LRRC8D: variants seen among roughly 807,000 people sequenced by gnomAD.
The protein encoded by LRRC8D is volume-regulated anion channel subunit LRRC8D.
LRRC8D carries 20 observed loss-of-function variants against 55.8 expected under a neutral mutation model. That is an observed-to-expected ratio of 0.36 (90% CI 0.25 to 0.52). LRRC8D has a LOEUF of 0.52. LRRC8D is among the 20% of genes least tolerant of loss of function. The pLI is 0.93. For synonymous variants in LRRC8D, 352 were observed against 377.0 expected (o/e 0.93, Z 0.77); for missense variants, 651 against 1,030.8 (o/e 0.63, Z 5.05).
chr1:89,848,142 C>T (rs756176322), intron 2 of LRRC8D, among the ~76,000 whole-genome samples: 3 of 152,168 alleles, frequency 2.0e-5, no homozygotes, highest in Admixed American at 1.3e-4. Flanking sequence ...CCGGGCTAAT[C>T]GTTTTTCATG....
chr1:89,873,042 A>G (rs779600703), intron 2 of LRRC8D, among the ~76,000 whole-genome samples: 19 of 152,338 alleles, frequency 1.2e-4, no homozygotes, highest in Admixed American at 2.6e-4. Flanking sequence ...TATTCTGTCC[A>G]GACTGTGAAC....
At chr1:89,864,403 G>A (rs770144532) in intron 2 of LRRC8D, among the ~76,000 whole-genome samples, 16 of 152,162 alleles carry the variant, frequency 1.1e-4, no homozygotes, top group Non-Finnish European at 2.2e-4. Flanking sequence ...TTCATCTGAT[G>A]AAAGACACCA....
chr1:89,916,519 T>G (rs1242309870), intron 2 of LRRC8D, among the ~76,000 whole-genome samples: 3 of 152,204 alleles, frequency 2.0e-5, no homozygotes, highest in Non-Finnish European at 4.4e-5. Flanking sequence ...TTTTTTAATG[T>G]CAATAATGAA....
chr1:89,896,072 G>A (rs1258355766), intron 2 of LRRC8D, among the ~76,000 whole-genome samples: 1 of 152,222 alleles, frequency 6.6e-6, no homozygotes, highest in Non-Finnish European at 1.5e-5. Flanking sequence ...AATGATACAT[G>A]AGTTTTAGGT....
At chr1:89,915,934 C>G (rs937680808) in intron 2 of LRRC8D, among the ~76,000 whole-genome samples, 4 of 152,104 alleles carry the variant, frequency 2.6e-5, no homozygotes, top group Admixed American at 2.0e-4. Context: ...TAACAACATA[C>G]TGAATTAGAA....
rs61198174 is a variant in LRRC8D, at chr1:89,915,046, GGTGT to G, written c.-2-18014_-2-18011del. On this transcript the variant is annotated intron_variant, in intron 2 of 2. Transcript: ENST00000337338. Reference sequence around the variant, plus strand: ...TGTGTGTGTGTGTGTGTGTGTGTGTGGTGTGTGTGTATGTGTGTGGTGTGTTCAG... The same window carrying G: ...TGTGTGTGTGTGTGTGTGTGTGTGTGGTGTGTATGTGTGTGGTGTGTTCAG... Among the ~76,000 whole-genome samples the G allele has an allele frequency of 3.3e-5, 5 of 149,530 alleles. No individual in the cohort carries two copies. In the East Asian group the frequency reaches 9.8e-4, roughly 29 times the overall value.
chr1:89,825,717 G>A (rs1660745914), intron 1 of LRRC8D, among the ~76,000 whole-genome samples: 1 of 152,166 alleles, frequency 6.6e-6, no homozygotes, highest in African/African-American at 2.4e-5. Flanking sequence ...GAATTTTACA[G>A]TCTTCACTAC....
intron 2 of LRRC8D, 50 bp downstream of exon 2, chr1:89,843,832 C>T: frequency 1.6e-6 from 1 of 621,816 alleles, no homozygotes; most frequent in South Asian, 1.8e-5. Context: ...AAGTCTGCGG[C>T]ACGGAGCACT....
intron 2 of LRRC8D, among the ~76,000 whole-genome samples, chr1:89,925,757 G>C (rs1388535558): frequency 6.6e-6 from 1 of 152,170 alleles, no homozygotes; most frequent in African/African-American, 2.4e-5. Context: ...TACCCCCCTG[G>C]TAGGAAGGGC....
chr1:89,901,870 G>A (rs1439606579), intron 2 of LRRC8D, among the ~76,000 whole-genome samples: 2 of 152,230 alleles, frequency 1.3e-5, no homozygotes, highest in Non-Finnish European at 2.9e-5. Context: ...GCCTCTGAAG[G>A]CTTCGTCTTC....
chr1:89,921,111 C>A (rs1663406468), intron 2 of LRRC8D, among the ~76,000 whole-genome samples: 1 of 152,198 alleles, frequency 6.6e-6, no homozygotes, highest in Non-Finnish European at 1.5e-5. Context: ...TGCCTGTAAT[C>A]CCAACACTTT....
intron 2 of LRRC8D, among the ~76,000 whole-genome samples, chr1:89,900,719 G>T (rs12403051): frequency 0.031 from 4,652 of 152,268 alleles, 156 homozygotes; most frequent in Admixed American, 0.1. Context: ...TAAGCTTGTT[G>T]AGCCTCACAG....
chr1:89,836,892 C>T (rs577668562), intron 1 of LRRC8D, among the ~76,000 whole-genome samples: 18 of 152,330 alleles, frequency 1.2e-4, no homozygotes, highest in South Asian at 4.1e-4. Flanking sequence ...ATTAAAACAG[C>T]GTGAGTAATT....
At chr1:89,856,542 T>A (rs1661557613) in intron 2 of LRRC8D, among the ~76,000 whole-genome samples, 1 of 152,230 alleles carries the variant, frequency 6.6e-6, no homozygotes, top group Non-Finnish European at 1.5e-5. Flanking sequence ...ATAATGTGAT[T>A]CTGTATTCCT....
At chr1:89,869,341 G>C (rs1044146071) in intron 2 of LRRC8D, among the ~76,000 whole-genome samples, 1 of 152,178 alleles carries the variant, frequency 6.6e-6, no homozygotes, top group East Asian at 1.9e-4. Flanking sequence ...TGAAGCATAC[G>C]CAAGTATCAA....
intron 2 of LRRC8D, among the ~76,000 whole-genome samples, chr1:89,906,664 T>TG (rs1190420876): frequency 3.3e-5 from 5 of 152,192 alleles, no homozygotes; most frequent in African/African-American, 4.8e-5. Context: ...TGGAAAAACC[T>TG]GCCTGTGTGT....
intron 2 of LRRC8D, among the ~76,000 whole-genome samples, chr1:89,861,483 C>T (rs1017788636): frequency 2.6e-5 from 4 of 152,228 alleles, no homozygotes; most frequent in Non-Finnish European, 5.9e-5. Flanking sequence ...GGTTTTTTCA[C>T]CTTGTATTGT....
intron 2 of LRRC8D, among the ~76,000 whole-genome samples, chr1:89,902,173 C>T (rs1299001883): frequency 6.6e-6 from 1 of 152,278 alleles, no homozygotes; most frequent in African/African-American, 2.4e-5. Flanking sequence ...CCAGAAATGG[C>T]CATACCTATT....
At chr1:89,833,277 C>T (rs1310219835) in intron 1 of LRRC8D, among the ~76,000 whole-genome samples, 2 of 152,176 alleles carry the variant, frequency 1.3e-5, no homozygotes, top group African/African-American at 4.8e-5. Context: ...AGACAGTTTC[C>T]ATCTAGGAAC....
Sources: gnomAD v4.1 joint callset for allele counts (sites outside exome capture counted in the v4.1 genomes callset) on GRCh38, gnomAD v4.1.1 for gene constraint, MANE v1.5 for transcripts, NCBI Gene and HGNC (gene_info 2026-07-23, HGNC 2026-07-21) for gene names.